Variants in PCGF6 observed in about 807,000 individuals in gnomAD.
PCGF6 encodes the protein polycomb group ring finger 6.
A neutral mutation model predicts 45.5 loss-of-function variants in PCGF6; 24 were observed. The ratio of observed to expected loss-of-function variants is 0.53; its 90% confidence interval spans 0.38 to 0.74. The LOEUF (loss-of-function observed/expected upper bound fraction) is 0.74, where lower values mean the gene tolerates loss of function less well. PCGF6 is among the 30% of genes least tolerant of loss of function. PCGF6 has a pLI of 0.00. For synonymous variants in PCGF6, 152 were observed against 162.1 expected (o/e 0.94, Z 0.47); for missense variants, 356 against 443.2 (o/e 0.80, Z 1.77).
intron 6 of PCGF6, among the ~76,000 whole-genome samples, chr10:103,343,030 G>A (rs1011138695): frequency 6.6e-6 from 1 of 152,026 alleles, no homozygotes; most frequent in South Asian, 2.1e-4. Context: ...CTGGGTTCAC[G>A]CCATTCTCCT....
intron 7 of PCGF6, among the ~76,000 whole-genome samples, chr10:103,332,082 G>A (rs539972865): frequency 8.8e-4 from 134 of 152,140 alleles, no homozygotes; most frequent in African/African-American, 2.8e-3. Flanking sequence ...TTGAGCCACC[G>A]CGCCCGGCCT....
At chr10:103,314,310 T>A in intron 8 of PCGF6, 38 bp from the exon 9 acceptor site, 2 of 1,206,684 alleles carry the variant, frequency 1.7e-6, no homozygotes, top group Non-Finnish European at 1.2e-6. Context: ...GATTTCTTGC[T>A]TCAAAATACC....
Position 103,350,799 on chromosome 10 carries a change from GCTC to G in PCGF6, c.265_267del (p.Glu89del), listed in dbSNP as rs745361108. ...TCCTCCTCCTCTTCTTCCTCCTCCAGCTCCTCTTCTTCTTCCAACTCCTCGTCC... is the reference window on the plus strand; with the variant it reads ...TCCTCCTCCTCTTCTTCCTCCTCCAGCTCTTCTTCTTCCAACTCCTCGTCC... On this transcript the variant is annotated inframe_deletion, in exon 1 of 10. Coordinates refer to ENST00000369847, the MANE Select transcript of PCGF6 (RefSeq NM_001011663.2). The G allele has an allele frequency of 1.2e-5, 19 of 1,556,386 alleles. No individual in the cohort carries two copies. The East Asian group carries it at 4.1e-4, about 33-fold the overall frequency.
intron 1 of PCGF6, among the ~76,000 whole-genome samples, chr10:103,349,528 T>C (rs1263321278): frequency 1.7e-5 from 2 of 120,716 alleles, no homozygotes; most frequent in African/African-American, 6.2e-5. Flanking sequence ...TCGCCCAGAC[T>C]GGAGTGCAGC....
chr10:103,332,685 T>C (rs2093244256), intron 7 of PCGF6, among the ~76,000 whole-genome samples: 2 of 152,170 alleles, frequency 1.3e-5, no homozygotes, highest in Non-Finnish European at 2.9e-5. Context: ...TGGTAGCATA[T>C]ATCCTGGTGC....
intron 6 of PCGF6, among the ~76,000 whole-genome samples, chr10:103,344,247 A>G (rs1233085063): frequency 6.6e-6 from 1 of 152,064 alleles, no homozygotes; most frequent in African/African-American, 2.4e-5. Context: ...ACCACATGAA[A>G]AAAAAAGGCA....
At chr10:103,309,724 G>C (rs1298987843) in intron 9 of PCGF6, among the ~76,000 whole-genome samples, 1 of 151,988 alleles carries the variant, frequency 6.6e-6, no homozygotes, top group East Asian at 1.9e-4. Context: ...GATCTCAGGA[G>C]TTCAAAACCA....
rs2093127126 is a variant in PCGF6 at position 103,303,641 on chromosome 10, T to C, written c.*264A>G. 3.2e-6 allele frequency: 1 copy of C among 317,398 alleles called. No individual in the cohort carries two copies. The highest frequency in any genetic ancestry group is 5.7e-6 in the Non-Finnish European group (1 of 174,720). 19.7% of individuals were successfully genotyped at this position (317,398 alleles called of 1,614,324 possible). On this transcript the variant is annotated 3_prime_UTR_variant, in exon 10 of 10. Transcript: ENST00000369847. The stretch of plus-strand genomic sequence containing the variant: ...GGGAAGCAAAATCAATGTCAAGGTA[T>C]TTAAAATCATAAGAAATTTTAAAAT...
intron 9 of PCGF6, among the ~76,000 whole-genome samples, chr10:103,312,856 G>A (rs2093162242): frequency 6.6e-6 from 1 of 152,138 alleles, no homozygotes; most frequent in Non-Finnish European, 1.5e-5. Flanking sequence ...AGCTACTCGG[G>A]AGGCTGAGGC....
At chr10:103,328,255 G>C (rs1164751444) in intron 7 of PCGF6, among the ~76,000 whole-genome samples, 1 of 152,060 alleles carries the variant, frequency 6.6e-6, no homozygotes, top group Non-Finnish European at 1.5e-5. Flanking sequence ...GGCTACCTAG[G>C]GAACCGAGGC....
chr10:103,335,693 C>T (rs549248792), intron 6 of PCGF6, among the ~76,000 whole-genome samples: 8 of 150,268 alleles, frequency 5.3e-5, no homozygotes, highest in East Asian at 2.1e-4. Flanking sequence ...ATAGGCTGGG[C>T]GAGGTGGCTG....
chr10:103,347,376 T>C lies in PCGF6; in HGVS notation c.613+19A>G, dbSNP rs1429902460. On this transcript the variant is annotated intron_variant, in intron 4 of 9. Coordinates refer to ENST00000369847, the MANE Select transcript of PCGF6 (RefSeq NM_001011663.2). Reference sequence around the variant, plus strand: ...TCAGAGATTCTGGGATTCACAACCATGTAATAAAAGAAACTTACTTTCCTC... The same window carrying C: ...TCAGAGATTCTGGGATTCACAACCACGTAATAAAAGAAACTTACTTTCCTC... The C allele has an allele frequency of 3.1e-6, 5 of 1,594,358 alleles. No individual in the cohort carries two copies. The highest frequency in any genetic ancestry group is 3.4e-6 in the Non-Finnish European group (4 of 1,162,846).
intron 9 of PCGF6, among the ~76,000 whole-genome samples, chr10:103,312,950 G>C (rs2133558240): frequency 6.7e-6 from 1 of 149,648 alleles, no homozygotes; most frequent in Non-Finnish European, 1.5e-5. Context: ...GACAGAGCGA[G>C]ACTCCGTCTC....
intron 9 of PCGF6, among the ~76,000 whole-genome samples, chr10:103,312,734 G>T (rs887638652): frequency 2.0e-5 from 3 of 152,144 alleles, no homozygotes; most frequent in African/African-American, 7.2e-5. Flanking sequence ...GGCCCAGGTG[G>T]GTGGATCACC....
intron 9 of PCGF6, among the ~76,000 whole-genome samples, chr10:103,312,199 C>G (rs1019173568): frequency 6.6e-6 from 1 of 151,722 alleles, no homozygotes; most frequent in African/African-American, 2.4e-5. Context: ...CGAGACCATC[C>G]TGGCTAACAC....
At chr10:103,329,603 A>C (rs1430546273) in intron 7 of PCGF6, among the ~76,000 whole-genome samples, 2 of 150,020 alleles carry the variant, frequency 1.3e-5, no homozygotes, top group Non-Finnish European at 3.0e-5. Flanking sequence ...TCAGCCACCC[A>C]AGTAGCTGGG....
chr10:103,330,363 C>T (rs1240875870), intron 7 of PCGF6, among the ~76,000 whole-genome samples: 1 of 152,064 alleles, frequency 6.6e-6, no homozygotes, highest in Admixed American at 6.6e-5. Flanking sequence ...GCGTTAGCCA[C>T]CGTGCCTGGA....
At chr10:103,304,738 C>G (rs565191934) in intron 9 of PCGF6, among the ~76,000 whole-genome samples, 130 of 152,094 alleles carry the variant, frequency 8.5e-4, no homozygotes, top group African/African-American at 2.8e-3. Flanking sequence ...TCACTGCAGC[C>G]TTGACCACCT....
intron 8 of PCGF6, among the ~76,000 whole-genome samples, chr10:103,320,369 T>G (rs1163452126): frequency 6.6e-6 from 1 of 152,080 alleles, no homozygotes; most frequent in African/African-American, 2.4e-5. Flanking sequence ...TCTCTAAATT[T>G]TAAATGAACT....
Sources: gnomAD v4.1 joint callset for allele counts (sites outside exome capture counted in the v4.1 genomes callset) on GRCh38, gnomAD v4.1.1 for gene constraint, MANE v1.5 for transcripts, NCBI Gene and HGNC (gene_info 2026-07-23, HGNC 2026-07-21) for gene names.